Variants in FLRT2 observed in about 807,000 individuals in gnomAD.
The protein encoded by FLRT2 is fibronectin leucine rich transmembrane protein 2, also known as leucine-rich repeat transmembrane protein FLRT2.
A neutral mutation model predicts 40.0 loss-of-function variants in FLRT2; 15 were observed. That is an observed-to-expected ratio of 0.38 (90% CI 0.25 to 0.58). FLRT2 has a LOEUF of 0.58. Among genes scored for constraint, FLRT2 ranks in the 20% least tolerant of loss-of-function variants. The pLI is 0.71. For synonymous variants in FLRT2, 380 were observed against 336.8 expected, an observed-to-expected ratio of 1.13 and a Z score of -1.41; for missense variants, 726 against 840.0, an observed-to-expected ratio of 0.86 and a Z score of 1.68.
chr14:85,607,666 A>G (rs571121498), intron 1 of FLRT2, among the ~76,000 whole-genome samples: 3 of 152,300 alleles, frequency 2.0e-5, no homozygotes, highest in East Asian at 1.9e-4. Context: ...CAGTCCTTCT[A>G]TGAGAGTTGG....
chr14:85,607,608 G>A (rs373837883), intron 1 of FLRT2, among the ~76,000 whole-genome samples: 1 of 152,204 alleles, frequency 6.6e-6, no homozygotes, highest in African/African-American at 2.4e-5. Context: ...CAGTGTGAAT[G>A]TCCAGAAGAA....
chr14:85,592,470 G>A (rs148285086), intron 1 of FLRT2, among the ~76,000 whole-genome samples: 2,307 of 152,124 alleles, frequency 0.015, 31 homozygotes, highest in Middle Eastern at 0.044. Flanking sequence ...TTGCAAAGAA[G>A]TATCACCATT....
intron 1 of FLRT2, among the ~76,000 whole-genome samples, chr14:85,567,293 C>T (rs1890667490): frequency 6.6e-6 from 1 of 152,118 alleles, no homozygotes; most frequent in African/African-American, 2.4e-5. Flanking sequence ...AATAGAAGCT[C>T]CAAAGATACC....
Position 85,621,940 on chromosome 14 carries a change from C to A in FLRT2, c.426C>A (p.Asp142Glu). 6.2e-7 allele frequency: 1 copy of A among 1,600,588 alleles called. No homozygotes were observed. Among genetic ancestry groups the A allele is most frequent in the Non-Finnish European group, 8.5e-7 (1 of 1,172,862 alleles). ...AGCTTGAAGAGCTGCACCTGGATGACAACTCCATATCCACAGTGGGGGTGG... is the reference window on the plus strand; with the variant it reads ...AGCTTGAAGAGCTGCACCTGGATGAAAACTCCATATCCACAGTGGGGGTGG... ...LLKLEELHLD[D>E]NSISTVGVED... Residue 142 changes from aspartate to glutamate, a missense_variant, in exon 2 of 2, where the codon GAC becomes GAA. Physicochemically the swap from Asp to Glu is conservative, Grantham distance 45. Coordinates refer to ENST00000330753, the MANE Select transcript of FLRT2 (RefSeq NM_013231.6).
intron 1 of FLRT2, among the ~76,000 whole-genome samples, chr14:85,537,239 T>C (rs1400393439): frequency 3.3e-5 from 5 of 152,316 alleles, no homozygotes; most frequent in Admixed American, 2.0e-4. Flanking sequence ...TTATTTCAAA[T>C]GCTAATTGAA....
chr14:85,533,198 C>T (rs1393405336), intron 1 of FLRT2, among the ~76,000 whole-genome samples: 1 of 151,996 alleles, frequency 6.6e-6, no homozygotes, highest in Non-Finnish European at 1.5e-5. Flanking sequence ...GCGGAGCGCG[C>T]CAGAGCGCGA....
chr14:85,611,399 G>A (rs1892852072), intron 1 of FLRT2, among the ~76,000 whole-genome samples: 1 of 152,124 alleles, frequency 6.6e-6, no homozygotes, highest in Non-Finnish European at 1.5e-5. Context: ...GAGGGTTGCG[G>A]GCTAATCCAA....
chr14:85,566,017 C>G (rs925110137), intron 1 of FLRT2, among the ~76,000 whole-genome samples: 1 of 152,140 alleles, frequency 6.6e-6, no homozygotes, highest in Non-Finnish European at 1.5e-5. Context: ...CCGATGTTCC[C>G]ACCAATCATT....
At chr14:85,601,691 G>T in intron 1 of FLRT2, among the ~76,000 whole-genome samples, 1 of 152,322 alleles carries the variant, frequency 6.6e-6, no homozygotes, top group East Asian at 1.9e-4. Context: ...TGAGACTAAT[G>T]ATAATACTTG....
chr14:85,586,219 C>G lies in FLRT2; in HGVS notation c.-376-34920C>G, dbSNP rs1891607691. 2.0e-5 allele frequency among the ~76,000 whole-genome samples: 3 copies of G among 150,930 alleles called. 1 individual carries two copies. The South Asian group carries it at 6.3e-4, about 31-fold the overall frequency. ...CATGATTTTATCTTTATCATTTTAT[C>G]TTCATTTTACAGAAGAGGAAAAGAA... On this transcript the variant is annotated intron_variant, in intron 1 of 1. Transcript: ENST00000330753.
In FLRT2 at chr14:85,623,311, C is replaced by G. The variant is rs1367788758; in HGVS notation, c.1797C>G (p.Ile599Met). Reference protein sequence around the residue: ...CEAGTKKDNSILEMTETSFQI... With the variant: ...CEAGTKKDNSMLEMTETSFQI... ...CAGGCACCAAGAAGGACAACTCCATCCTGGAGATGACAGAAACCAGTTTTC... is the reference window on the plus strand; with the variant it reads ...CAGGCACCAAGAAGGACAACTCCATGCTGGAGATGACAGAAACCAGTTTTC... Residue 599 changes from isoleucine to methionine, a missense_variant, in exon 2 of 2, where the codon ATC (isoleucine) becomes ATG (methionine). This residue lies in a region of FLRT2 where 611 missense variants were observed against 690.0 expected (regional missense o/e 0.89). Transcript: ENST00000330753. 1 of 1,516,764 alleles carries G rather than the reference C, an allele frequency of 6.6e-7. No individual in the cohort carries two copies. The highest frequency in any genetic ancestry group is 2.3e-5 in the Admixed American group (1 of 43,676). The allele number at this position is 1,516,764 out of a possible 1,614,324, so 94.0% of individuals were successfully genotyped here.
Position 85,623,022 on chromosome 14 carries a change from C to A in FLRT2, c.1508C>A (p.Ala503Glu), listed in dbSNP as rs190071329. 5.6e-6 allele frequency: 9 copies of A among 1,614,172 alleles called. No individual in the cohort carries two copies. Among genetic ancestry groups the A allele is most frequent in the Middle Eastern group, 1.6e-4 (1 of 6,062 alleles). ...LVPLDAFNYR[A>E]VEDTICSEAT... ...CCACTGGATGCTTTTAACTACCGCG[C>A]GGTAGAAGACACCATTTGTTCAGAG... Residue 503 changes from alanine to glutamate, a missense_variant, in exon 2 of 2, where the codon GCG becomes GAG. Around this residue, in one of 3 missense-constraint regions of FLRT2, gnomAD observed 611 missense variants for 690.0 expected, o/e 0.89. Coordinates refer to ENST00000330753, the MANE Select transcript of FLRT2 (RefSeq NM_013231.6).
chr14:85,576,065 T>A (rs1236495665), intron 1 of FLRT2, among the ~76,000 whole-genome samples: 1 of 152,152 alleles, frequency 6.6e-6, no homozygotes, highest in Non-Finnish European at 1.5e-5. Context: ...CATGGACTTG[T>A]TTATTTATAT....
intron 1 of FLRT2, among the ~76,000 whole-genome samples, chr14:85,540,115 C>G (rs1241160448): frequency 6.6e-6 from 1 of 152,024 alleles, no homozygotes; most frequent in Non-Finnish European, 1.5e-5. Flanking sequence ...GGTCGTTTCT[C>G]TTTTTGACTG....
At chr14:85,538,668 C>A (rs1347549109) in intron 1 of FLRT2, among the ~76,000 whole-genome samples, 1 of 152,018 alleles carries the variant, frequency 6.6e-6, no homozygotes, top group East Asian at 1.9e-4. Context: ...ATATCAGGTC[C>A]CAAAGTTTAT....
chr14:85,543,506 G>A (rs1319998938), intron 1 of FLRT2, among the ~76,000 whole-genome samples: 1 of 149,520 alleles, frequency 6.7e-6, no homozygotes, highest in Non-Finnish European at 1.5e-5. Flanking sequence ...ACTGTTTTTG[G>A]TGTCCCCAGA....
intron 1 of FLRT2, among the ~76,000 whole-genome samples, chr14:85,540,538 T>C (rs1274846208): frequency 6.6e-6 from 1 of 152,170 alleles, no homozygotes; most frequent in Admixed American, 6.5e-5. Flanking sequence ...GTTGCATAGT[T>C]GAAGGCTTCA....
chr14:85,622,128 G>C lies in FLRT2; in HGVS notation c.614G>C (p.Ser205Thr). Residue 205 changes from serine to threonine, a missense_variant, in exon 2 of 2, where the codon AGC becomes ACC. Ser to Thr is a moderately conservative substitution (Grantham distance 58). Transcript: ENST00000330753. ...ISDMAFQNLTSLERLIVDGNL... is the reference protein window; with the variant it reads ...ISDMAFQNLTTLERLIVDGNL... ...GACATGGCCTTCCAGAATCTCACGA[G>C]CTTGGAGCGTCTTATTGTGGACGGG... 1.2e-6 allele frequency: 2 copies of C among 1,614,142 alleles called. No homozygotes were observed. The highest frequency in any genetic ancestry group is 1.7e-6 in the Non-Finnish European group (2 of 1,180,006).
chr14:85,611,240 G>GCATC (rs1408494799), intron 1 of FLRT2, among the ~76,000 whole-genome samples: 1 of 130,058 alleles, frequency 7.7e-6, no homozygotes, highest in Non-Finnish European at 1.6e-5. Flanking sequence ...GCTCACCTGT[G>GCATC]CGTCACACGG....
Sources: allele counts gnomAD v4.1 joint callset (sites outside exome capture counted in the v4.1 genomes callset), GRCh38; gene constraint gnomAD v4.1.1; regional missense constraint gnomAD v4.1.1; transcripts MANE v1.5; gene names NCBI Gene and HGNC (gene_info 2026-07-23, HGNC 2026-07-21).